HSD17B12: variants seen among roughly 807,000 people sequenced by gnomAD.
HSD17B12 encodes the protein very-long-chain 3-oxoacyl-CoA reductase.
HSD17B12 carries 32 observed loss-of-function variants against 39.3 expected under a neutral mutation model. The ratio of observed to expected loss-of-function variants is 0.81; its 90% CI spans 0.61 to 1.09. The LOEUF (loss-of-function observed/expected upper bound fraction) is 1.09, where lower values mean the gene tolerates loss of function less well. HSD17B12 is among the 50% of genes least tolerant of loss of function. The pLI is 0.00. For missense variants in HSD17B12, 342 were observed against 382.9 expected (o/e 0.89, Z 0.89); for synonymous variants, 150 against 146.7 (o/e 1.02, Z -0.16).
chr11:43,734,910 C>T lies in HSD17B12; in HGVS notation c.161-16001C>T, dbSNP rs7105731. Among the ~76,000 whole-genome samples the T allele has an allele frequency of 7.3e-3, 1,117 of 152,310 alleles. 9 individuals carry two copies. Among genetic ancestry groups the T allele is most frequent in the East Asian group, 0.045 (231 of 5,182 alleles). On this transcript the variant is annotated intron_variant, in intron 1 of 10. Coordinates refer to ENST00000278353, the MANE Select transcript of HSD17B12 (RefSeq NM_016142.3). ...TACCACCCCAAAAGGAAACACCATA[C>T]CCACTAAGCAGTCCCTCTCTATCCT...
At chr11:43,707,022 A>G (rs931528628) in intron 1 of HSD17B12, among the ~76,000 whole-genome samples, 1 of 152,108 alleles carries the variant, frequency 6.6e-6, no homozygotes, top group Non-Finnish European at 1.5e-5. Context: ...TATGACATAT[A>G]CCATAGATAT....
chr11:43,776,731 G>A (rs572020172), intron 3 of HSD17B12, among the ~76,000 whole-genome samples: 4 of 152,188 alleles, frequency 2.6e-5, no homozygotes, highest in Middle Eastern at 3.4e-3. Context: ...GGGTTTTTAC[G>A]GTTTTAGGTC....
intron 1 of HSD17B12, among the ~76,000 whole-genome samples, chr11:43,716,362 C>T (rs1258275392): frequency 6.6e-6 from 1 of 152,166 alleles, no homozygotes; most frequent in Non-Finnish European, 1.5e-5. Context: ...AACAAGTCTT[C>T]CTACTCTGAG....
chr11:43,629,923 G>GA, the HSD17B12 span, among the ~76,000 whole-genome samples: 1 of 152,110 alleles, frequency 6.6e-6, no homozygotes, highest in African/African-American at 2.4e-5. Context: ...AGATACTAAA[G>GA]AAAAATCATA....
At chr11:43,561,576 T>C in the HSD17B12 span, among the ~76,000 whole-genome samples, 1 of 152,190 alleles carries the variant, frequency 6.6e-6, no homozygotes, top group Non-Finnish European at 1.5e-5. Context: ...ATGAAGACTA[T>C]GGACCCTCCA....
At chr11:43,739,637 C>T (rs147574241) in intron 1 of HSD17B12, among the ~76,000 whole-genome samples, 229 of 152,266 alleles carry the variant, frequency 1.5e-3, no homozygotes, top group African/African-American at 5.3e-3. Context: ...AGGGAGGAGA[C>T]TTCATGGCCT....
At chr11:43,718,640 G>A in intron 1 of HSD17B12, 1 of 664,566 alleles carries the variant, frequency 1.5e-6, no homozygotes, top group Non-Finnish European at 2.7e-6. Flanking sequence ...CTTACCCCAT[G>A]TATCAAAAAT....
chr11:43,852,539 C>T (rs1320743715), intron 9 of HSD17B12: 1 of 151,774 alleles, frequency 6.6e-6, no homozygotes, highest in Non-Finnish European at 1.5e-5. Flanking sequence ...TATGTTCCTT[C>T]ATTATGTGAG....
At chr11:43,613,454 A>AC in the HSD17B12 span, among the ~76,000 whole-genome samples, 4 of 151,950 alleles carry the variant, frequency 2.6e-5, no homozygotes, top group Non-Finnish European at 5.9e-5. Flanking sequence ...CAACAAAAAA[A>AC]CCATGAGTTA....
intron 3 of HSD17B12, among the ~76,000 whole-genome samples, chr11:43,768,720 G>C (rs2134981335): frequency 6.6e-6 from 1 of 152,314 alleles, no homozygotes; most frequent in Admixed American, 6.5e-5. Flanking sequence ...TTACTGTGAA[G>C]AGTCAAAGAA....
the HSD17B12 span, among the ~76,000 whole-genome samples, chr11:43,639,691 A>G: frequency 6.6e-6 from 1 of 152,356 alleles, no homozygotes; most frequent in East Asian, 1.9e-4. Context: ...AAAGAAAAAA[A>G]AACTAGCTTA....
upstream of HSD17B12, among the ~76,000 whole-genome samples, chr11:43,678,368 T>G (rs1949709674): frequency 6.6e-6 from 1 of 152,242 alleles, no homozygotes; most frequent in African/African-American, 2.4e-5. Context: ...AAAAATTTTC[T>G]CCCATTCTGT....
At chr11:43,729,059 T>C (rs1950245917) in intron 1 of HSD17B12, among the ~76,000 whole-genome samples, 1 of 152,188 alleles carries the variant, frequency 6.6e-6, no homozygotes, top group African/African-American at 2.4e-5. Flanking sequence ...TCAATGTTGG[T>C]ATTGTAAACA....
intron 3 of HSD17B12, among the ~76,000 whole-genome samples, chr11:43,784,330 ATT>A (rs1178516260): frequency 2.0e-5 from 3 of 147,774 alleles, no homozygotes; most frequent in African/African-American, 7.4e-5. Context: ...TATTATTATT[ATT>A]ATTATTATTA....
At chr11:43,572,159 G>A in the HSD17B12 span, among the ~76,000 whole-genome samples, 14 of 152,218 alleles carry the variant, frequency 9.2e-5, no homozygotes, top group East Asian at 2.7e-3. Flanking sequence ...AAGCATGCTT[G>A]GATGCAGCAG....
chr11:43,583,231 G>T, the HSD17B12 span, among the ~76,000 whole-genome samples: 1 of 152,214 alleles, frequency 6.6e-6, no homozygotes, highest in East Asian at 1.9e-4. Flanking sequence ...GGGTTATTGC[G>T]ACCCTAGCCC....
At chr11:43,690,116 G>T (rs1031517582) in intron 1 of HSD17B12, among the ~76,000 whole-genome samples, 1 of 151,262 alleles carries the variant, frequency 6.6e-6, no homozygotes, top group East Asian at 1.9e-4. Context: ...ACTCACAGTC[G>T]TTTCTCCCTC....
At chr11:43,561,103 G>A in the HSD17B12 span, among the ~76,000 whole-genome samples, 13 of 152,156 alleles carry the variant, frequency 8.5e-5, no homozygotes, top group Admixed American at 8.5e-4. Context: ...TGCAGATGAA[G>A]CATGGGTTCC....
At chr11:43,616,707 C>CA in the HSD17B12 span, among the ~76,000 whole-genome samples, 1 of 145,930 alleles carries the variant, frequency 6.9e-6, no homozygotes, top group South Asian at 2.2e-4. Flanking sequence ...GATCTGCATC[C>CA]AAAAAATCCC....
Sources: allele counts gnomAD v4.1 joint callset (sites outside exome capture counted in the v4.1 genomes callset), GRCh38; gene constraint gnomAD v4.1.1; transcripts MANE v1.5; gene names NCBI Gene and HGNC (gene_info 2026-07-23, HGNC 2026-07-21).